NRXN1: variants seen among roughly 807,000 people sequenced by gnomAD.
The protein encoded by NRXN1 is neurexin-1.
A neutral mutation model predicts 150.9 loss-of-function variants in NRXN1; 39 were observed. That is an observed-to-expected ratio of 0.26 (90% CI 0.20 to 0.34). The LOEUF is 0.34. Among genes scored for constraint, NRXN1 ranks in the 10% least tolerant of loss-of-function variants. The pLI, the probability that NRXN1 is intolerant of heterozygous loss-of-function variation, is 1.00. For missense variants in NRXN1, 1,815 were observed against 1,949.9 expected (o/e 0.93, Z 1.30); for synonymous variants, 924 against 757.0 (o/e 1.22, Z -3.62).
chr2:50,240,446 T>C (rs2065907085), intron 17 of NRXN1, among the ~76,000 whole-genome samples: 1 of 151,732 alleles, frequency 6.6e-6, no homozygotes, highest in Non-Finnish European at 1.5e-5. Flanking sequence ...AAATTAACTT[T>C]GCATCAAACT....
intron 2 of NRXN1, among the ~76,000 whole-genome samples, chr2:51,024,129 G>C (rs1670055970): frequency 6.6e-6 from 1 of 152,060 alleles, no homozygotes; most frequent in South Asian, 2.1e-4. Flanking sequence ...AAGTTGCTAG[G>C]GATCTATGAG....
chr2:50,484,303 C>A (rs551997116), intron 15 of NRXN1, among the ~76,000 whole-genome samples: 1 of 151,944 alleles, frequency 6.6e-6, no homozygotes, highest in Non-Finnish European at 1.5e-5. Context: ...CTTCTGTGCT[C>A]GAAAGATGGA....
In NRXN1 at chr2:50,487,073, T is replaced by C. The variant is rs151136866; in HGVS notation, c.3070+8832A>G. 5.6e-3 allele frequency among the ~76,000 whole-genome samples: 856 copies of C among 152,288 alleles called. 11 individuals carry two copies. The highest frequency in any genetic ancestry group is 0.019 in the African/African-American group (810 of 41,556). On this transcript the variant is annotated intron_variant, in intron 15 of 22. Transcript: ENST00000401669. ...TTAACCTCCCCAAGCCTCATGTTAG[T>C]TTCATCACCTGTTACATGGTGATAA...
chr2:50,576,007 A>G (rs891594376), intron 8 of NRXN1, among the ~76,000 whole-genome samples: 11 of 152,148 alleles, frequency 7.2e-5, no homozygotes, highest in Non-Finnish European at 1.5e-4. Context: ...ATAAATATTT[A>G]TTTATAAAAA....
chr2:50,981,866 G>A (rs1197589463), intron 2 of NRXN1, among the ~76,000 whole-genome samples: 6 of 151,188 alleles, frequency 4.0e-5, no homozygotes, highest in South Asian at 2.1e-4. Flanking sequence ...TGTGTGTGGT[G>A]TGTAATCTAC....
chr2:50,219,976 A>AT (rs2063739622), intron 18 of NRXN1, among the ~76,000 whole-genome samples: 1 of 44,480 alleles, frequency 2.2e-5, no homozygotes, highest in Non-Finnish European at 3.7e-5. Flanking sequence ...TATATATATA[A>AT]TATATATATT....
intron 18 of NRXN1, among the ~76,000 whole-genome samples, chr2:50,172,623 C>T (rs1004814405): frequency 3.9e-5 from 6 of 152,188 alleles, no homozygotes; most frequent in African/African-American, 1.4e-4. Flanking sequence ...TTTCCCAAAA[C>T]TCAATTTTTC....
At chr2:50,311,345 GTCTC>G (rs2075164013) in intron 17 of NRXN1, among the ~76,000 whole-genome samples, 1 of 152,078 alleles carries the variant, frequency 6.6e-6, no homozygotes, top group African/African-American at 2.4e-5. Context: ...ATTTTGGAGA[GTCTC>G]TATTTATAAG....
intron 18 of NRXN1, among the ~76,000 whole-genome samples, chr2:50,141,755 C>T (rs547412208): frequency 1.3e-5 from 2 of 152,098 alleles, no homozygotes; most frequent in South Asian, 4.1e-4. Flanking sequence ...AAACCTCCAT[C>T]AGATATCCTT....
chr2:50,341,454 T>C (rs1014613017), intron 17 of NRXN1, among the ~76,000 whole-genome samples: 2 of 152,112 alleles, frequency 1.3e-5, no homozygotes, highest in Admixed American at 6.5e-5. Context: ...TTCAAATTCA[T>C]GGTCTCATTT....
intron 5 of NRXN1, among the ~76,000 whole-genome samples, chr2:50,828,782 C>A (rs894950688): frequency 1.8e-4 from 27 of 145,988 alleles, no homozygotes; most frequent in African/African-American, 6.9e-4. Flanking sequence ...ATGTCCCAGA[C>A]GATAGGCGGC....
chr2:50,640,085 C>T (rs1683853540), intron 5 of NRXN1, among the ~76,000 whole-genome samples: 1 of 152,092 alleles, frequency 6.6e-6, no homozygotes. Context: ...GTCTAGTATT[C>T]ATAAGTTGTC....
intron 18 of NRXN1, among the ~76,000 whole-genome samples, chr2:50,113,933 T>C (rs1166375505): frequency 1.3e-5 from 2 of 152,142 alleles, no homozygotes; most frequent in African/African-American, 2.4e-5. Flanking sequence ...CTATGTGGGA[T>C]GCTATAGAAG....
intron 12 of NRXN1, among the ~76,000 whole-genome samples, chr2:50,516,748 T>A (rs1453971006): frequency 1.3e-5 from 1 of 75,244 alleles, no homozygotes; most frequent in Non-Finnish European, 2.6e-5. Flanking sequence ...CATAAAGAGA[T>A]GCTTGCCTCC....
intron 17 of NRXN1, among the ~76,000 whole-genome samples, chr2:50,246,636 A>G (rs546879234): frequency 2.0e-5 from 3 of 152,066 alleles, no homozygotes; most frequent in African/African-American, 7.2e-5. Flanking sequence ...ATCTCAGACT[A>G]AGCTCTAACT....
chr2:50,824,703 G>A (rs765351474), intron 5 of NRXN1, among the ~76,000 whole-genome samples: 129 of 152,134 alleles, frequency 8.5e-4, no homozygotes, highest in Admixed American at 4.2e-3. Flanking sequence ...GGTGAATCTA[G>A]GGCCCAGAAA....
chr2:50,832,009 G>C (rs1468926129), intron 5 of NRXN1, among the ~76,000 whole-genome samples: 1 of 152,146 alleles, frequency 6.6e-6, no homozygotes, highest in East Asian at 1.9e-4. Context: ...TTCCAAGTTT[G>C]GATGCCATCT....
chr2:50,922,820 C>A, intron 3 of NRXN1, 133 bp from the exon 4 acceptor site: 7 of 932,190 alleles, frequency 7.5e-6, no homozygotes, highest in Admixed American at 2.0e-5. Flanking sequence ...AGAGGCAAAT[C>A]AAAAAGCATT....
At chr2:50,033,439 A>C (rs1689483705) in intron 21 of NRXN1, among the ~76,000 whole-genome samples, 1 of 152,146 alleles carries the variant, frequency 6.6e-6, no homozygotes, top group Non-Finnish European at 1.5e-5. Context: ...GAAGATTGGA[A>C]CTGGACCCCT....
Sources: allele counts gnomAD v4.1 joint callset (sites outside exome capture counted in the v4.1 genomes callset), GRCh38; gene constraint gnomAD v4.1.1; transcripts MANE v1.5; gene names NCBI Gene and HGNC (gene_info 2026-07-23, HGNC 2026-07-21).